Variants in KANSL1 observed in about 807,000 individuals in gnomAD.
KANSL1 encodes the protein KAT8 regulatory NSL complex subunit 1.
KANSL1 carries 22 observed loss-of-function variants against 103.6 expected under a neutral mutation model. The observed-to-expected ratio is 0.21, with a 90% CI of 0.15 to 0.30. The LOEUF (loss-of-function observed/expected upper bound fraction) is 0.30. Among genes scored for constraint, KANSL1 ranks in the 10% least tolerant of loss-of-function variants. The probability of loss-of-function intolerance (pLI) is 1.00; values close to 1 mark genes in which losing one functional copy is unlikely to be tolerated. For missense variants in KANSL1, 1,337 were observed against 1,399.8 expected, an observed-to-expected ratio of 0.96 and a Z score of 0.72; for synonymous variants, 600 against 527.6, an observed-to-expected ratio of 1.14 and a Z score of -1.88.
intron 2 of KANSL1, among the ~76,000 whole-genome samples, chr17:46,115,836 A>T (rs1420942637): frequency 6.6e-6 from 1 of 152,244 alleles, no homozygotes; most frequent in South Asian, 2.1e-4. Flanking sequence ...ACAGAGGGTA[A>T]CCACAAAATG....
rs57566816 is a variant in KANSL1, at chr17:46,189,031, C to CAAAAAAAAAAAAAA, written c.-90+3778_-90+3791dup. On this transcript the variant is annotated intron_variant, in intron 1 of 14. Transcript: ENST00000432791. ...CTGGGCAACAGAGCAAAGATTGTCT[C>CAAAAAAAAAAAAAA]AAAAAAAAAAAAAAAAAAAAAAAAA... Among the ~76,000 whole-genome samples, 37 of 62,380 alleles carry CAAAAAAAAAAAAAA rather than the reference C, an allele frequency of 5.9e-4. 5 individuals are homozygous for CAAAAAAAAAAAAAA. The highest frequency in any genetic ancestry group is 1.4e-3 in the East Asian group (2 of 1,382). The allele number at this position is 62,380 out of a possible 152,430, so 40.9% of individuals were successfully genotyped here. A position where few individuals can be genotyped will look rare whatever the true frequency, so the allele number is the denominator to read the frequency against.
intron 2 of KANSL1, among the ~76,000 whole-genome samples, chr17:46,110,126 A>G (rs17577094): frequency 0.14 from 21,650 of 151,978 alleles, 2,117 homozygotes; most frequent in Non-Finnish European, 0.22. Context: ...GGCAATACTC[A>G]TCTTCAAAAA....
At chr17:46,061,511 C>T (rs1465672504) in intron 6 of KANSL1, among the ~76,000 whole-genome samples, 1 of 152,008 alleles carries the variant, frequency 6.6e-6, no homozygotes, top group Non-Finnish European at 1.5e-5. Flanking sequence ...TACTAGACCC[C>T]TAAAGTGATG....
upstream of KANSL1, among the ~76,000 whole-genome samples, chr17:46,194,374 C>T (rs1053336499): frequency 6.6e-6 from 1 of 152,274 alleles, no homozygotes. Flanking sequence ...AAAAAGCCAA[C>T]TTCCCACCTC....
chr17:46,144,421 T>C (rs978114383), intron 2 of KANSL1, among the ~76,000 whole-genome samples: 2 of 152,336 alleles, frequency 1.3e-5, no homozygotes, highest in African/African-American at 4.8e-5. Flanking sequence ...CCACAGAAAG[T>C]TGAATCAACT....
intron 1 of KANSL1, among the ~76,000 whole-genome samples, chr17:46,202,352 A>G (rs2047832719): frequency 6.6e-6 from 1 of 152,226 alleles, no homozygotes; most frequent in Admixed American, 6.5e-5. Flanking sequence ...GGTCCCAAGC[A>G]TTTCGGATAA....
At position 46,147,768 on chromosome 17, in the gene KANSL1, CAT is replaced by C. The variant is rs778972229; in HGVS notation, c.1289+23085_1289+23086del. Among the ~76,000 whole-genome samples, 13 of 152,212 alleles carry C rather than the reference CAT, an allele frequency of 8.5e-5. 1 individual carries two copies. The highest frequency in any genetic ancestry group is 8.3e-4 in the South Asian group (4 of 4,836). On this transcript the variant is annotated intron_variant, in intron 2 of 14. Coordinates refer to ENST00000432791, the MANE Select transcript of KANSL1 (RefSeq NM_015443.4). ...GTAAGTAAAATTCAGGTGTTCTCCA[CAT>C]GAGGCAACTGCTGTTAATAGAAGAC...
At chr17:46,076,495 CAAAAAAA>C (rs36086421) in intron 4 of KANSL1, among the ~76,000 whole-genome samples, 9 of 79,526 alleles carry the variant, frequency 1.1e-4, no homozygotes, top group Non-Finnish European at 2.0e-4. Flanking sequence ...GACTTCATCT[CAAAAAAA>C]AAAAAAAAAA....
chr17:46,035,324 G>A (rs2077116895), intron 10 of KANSL1: 1 of 152,240 alleles, frequency 6.6e-6, no homozygotes, highest in African/African-American at 2.4e-5. Flanking sequence ...GGAGGAGTAA[G>A]AAGTCCCCTA....
At chr17:46,080,312 TAAAAAA>T (rs35520207) in intron 4 of KANSL1, among the ~76,000 whole-genome samples, 2,541 of 77,774 alleles carry the variant, frequency 0.033, 101 homozygotes, top group African/African-American at 0.11. Context: ...GAGCCTGTCT[TAAAAAA>T]AAAAAAAAAA....
In KANSL1 at chr17:46,038,673, G is replaced by T. The variant is rs773681267; in HGVS notation, c.2406C>A (p.His802Gln). The T allele has an allele frequency of 3.7e-6, 6 of 1,614,158 alleles. No homozygotes were observed. In the Admixed American group the frequency reaches 1.0e-4, roughly 27 times the overall value. The change falls in exon 10 of 15, where the codon CAC becomes CAA. Residue 802 changes from histidine (H) to glutamine (Q), a missense_variant. Coordinates refer to ENST00000432791, the MANE Select transcript of KANSL1 (RefSeq NM_015443.4). ...SSERSEVLKH[H>Q]TDMSSSSYLA... ...AGTAGCTCGAACTGCTCATGTCTGT[G>T]TGATGCTTCAACACTGCAGAAGTCA...
rs771527693 is a variant in KANSL1 at position 46,032,218 on chromosome 17, A to C, written c.2919T>G (p.Asp973Glu). ...NPSTPQPASP[D>E]VSSSHSLSEY... ...CTGACAAAGAGTGGCTACTGCTGAC[A>C]TCAGGGGAGGCAGGCTGGGGGGTGG... The change falls in exon 14 of 15, where the codon GAT becomes GAG. Residue 973 changes from aspartate (D) to glutamate (E), a missense_variant. Physicochemically the swap from Asp to Glu is conservative, Grantham distance 45. This residue lies in a region of KANSL1 where 780 missense variants were observed against 923.4 expected (regional missense o/e 0.84). Coordinates refer to ENST00000432791, the MANE Select transcript of KANSL1 (RefSeq NM_015443.4). 1 of 1,593,400 alleles carries C rather than the reference A, an allele frequency of 6.3e-7. No individual in the cohort carries two copies. The highest frequency in any genetic ancestry group is 1.1e-5 in the South Asian group (1 of 88,066).
At chr17:46,189,050 A>G (rs1258828195) in intron 1 of KANSL1, among the ~76,000 whole-genome samples, 1 of 110,442 alleles carries the variant, frequency 9.1e-6, no homozygotes, top group South Asian at 2.4e-4. Flanking sequence ...AAAAAAAAAA[A>G]AAAAAAAAAA....
chr17:46,170,758 T>C, intron 2 of KANSL1, 97 bp downstream of exon 2: 1 of 1,322,790 alleles, frequency 7.6e-7, no homozygotes, highest in Non-Finnish European at 1.0e-6. Context: ...TAGACACCTA[T>C]GTACAAAGAA....
chr17:46,181,173 T>C (rs943582039), intron 1 of KANSL1, among the ~76,000 whole-genome samples: 3 of 152,176 alleles, frequency 2.0e-5, no homozygotes, highest in Non-Finnish European at 2.9e-5. Flanking sequence ...AACAAAAACA[T>C]GATGGCTTAT....
rs188389214 is a variant in KANSL1 at position 46,127,973 on chromosome 17, C to T, written c.1290-33272G>A. ...CAATAACTACGAAGATACCCAAACA[C>T]CCCTTCCCTAATTTTTTTTTTTGGT... is the stretch of plus-strand genomic sequence containing the variant. On this transcript the variant is annotated intron_variant, in intron 2 of 14. Coordinates refer to ENST00000432791, the MANE Select transcript of KANSL1 (RefSeq NM_015443.4). Among the ~76,000 whole-genome samples, 243 of 150,452 alleles carry T rather than the reference C, an allele frequency of 1.6e-3. 1 individual carries two copies. The highest frequency in any genetic ancestry group is 2.3e-3 in the Non-Finnish European group (157 of 66,974).
intron 8 of KANSL1, 48 bp from the exon 9 acceptor site, chr17:46,039,263 AT>A: frequency 6.7e-7 from 1 of 1,489,164 alleles, no homozygotes. Context: ...CCTCTCAAAT[AT>A]TTTCTTATTC....
intron 2 of KANSL1, among the ~76,000 whole-genome samples, chr17:46,157,603 T>C (rs981039389): frequency 3.9e-5 from 6 of 152,258 alleles, no homozygotes; most frequent in Non-Finnish European, 8.8e-5. Flanking sequence ...AAGTTATCAT[T>C]GAGAACAAAT....
At chr17:46,118,738 G>A (rs2147167829) in intron 2 of KANSL1, among the ~76,000 whole-genome samples, 1 of 152,318 alleles carries the variant, frequency 6.6e-6, no homozygotes, top group East Asian at 1.9e-4. Context: ...TCCATTAATG[G>A]GGGAGGGAGG....
Sources: gnomAD v4.1 joint callset for allele counts (sites outside exome capture counted in the v4.1 genomes callset) on GRCh38, gnomAD v4.1.1 for gene constraint, gnomAD v4.1.1 regional missense constraint, MANE v1.5 for transcripts, NCBI Gene and HGNC (gene_info 2026-07-23, HGNC 2026-07-21) for gene names.